Variants in MRPS6 observed in about 807,000 individuals in gnomAD.
MRPS6 encodes mitochondrial ribosomal protein S6.
Under a neutral mutation model 13.1 loss-of-function variants are expected in MRPS6, and 6 were observed. That is an observed-to-expected ratio of 0.46 (90% CI 0.25 to 0.91). The LOEUF (loss-of-function observed/expected upper bound fraction) is 0.91. Ranked by LOEUF, MRPS6 falls within the 40% of genes least tolerant of loss-of-function variation. MRPS6 has a pLI of 0.18. For missense variants in MRPS6, 164 were observed against 155.6 expected (o/e 1.05, Z -0.29); for synonymous variants, 61 against 56.5 (o/e 1.08, Z -0.36).
chr21:34,134,811 G>A lies in MRPS6; in HGVS notation c.186-7597G>A, dbSNP rs576929820. On this transcript the variant is annotated intron_variant, in intron 2 of 2. Transcript: ENST00000399312. ...TTTTTCACTCTCAGTAAAGTATTCCGTAAAATTACATGAGCTATTCAACAC... is the reference window on the plus strand; with the variant it reads ...TTTTTCACTCTCAGTAAAGTATTCCATAAAATTACATGAGCTATTCAACAC... Among the ~76,000 whole-genome samples the A allele has an allele frequency of 3.9e-5, 6 of 152,146 alleles. 1 individual carries two copies. In the South Asian group the frequency reaches 1.0e-3, roughly 26 times the overall value.
At chr21:34,084,405 C>A (rs964765548) in intron 1 of MRPS6, among the ~76,000 whole-genome samples, 2 of 151,902 alleles carry the variant, frequency 1.3e-5, no homozygotes, top group Non-Finnish European at 2.9e-5. Context: ...AGAAAAAAAA[C>A]ACAAAGTTGA....
intron 1 of MRPS6, among the ~76,000 whole-genome samples, chr21:34,076,169 T>G (rs1325416014): frequency 1.3e-5 from 2 of 152,212 alleles, no homozygotes; most frequent in Admixed American, 6.5e-5. Context: ...AACTATAGTT[T>G]TCCAGCCTTT....
chr21:34,104,610 T>A (rs1979396777), intron 1 of MRPS6: 1 of 1,000,106 alleles, frequency 1.0e-6, no homozygotes, highest in Non-Finnish European at 1.2e-6. Flanking sequence ...CCTGAACACT[T>A]TGAGGGAGAG....
intron 1 of MRPS6, among the ~76,000 whole-genome samples, chr21:34,081,964 A>T (rs1042959823): frequency 1.3e-5 from 2 of 151,612 alleles, no homozygotes; most frequent in Non-Finnish European, 2.9e-5. Flanking sequence ...CCCATCTATT[A>T]TTGCCATGAG....
In MRPS6 at chr21:34,099,575, C is replaced by A. The variant is rs1260165864; in HGVS notation, c.46-25766C>A. On this transcript the variant is annotated intron_variant, in intron 1 of 2. Transcript: ENST00000399312. ...CTGGGCAGCCTATCTCTTCCATATC[C>A]AGCGTAAATGAATAGGAGGTGTTTG... The A allele has an allele frequency of 3.0e-6, 3 of 999,796 alleles. No individual in the cohort carries two copies. The African/African-American group carries it at 5.2e-5, about 17-fold the overall frequency. The allele number at this position is 999,796 out of a possible 1,614,324, so 61.9% of individuals were successfully genotyped here.
chr21:34,129,676 T>A (rs767680864), intron 2 of MRPS6, among the ~76,000 whole-genome samples: 3 of 152,194 alleles, frequency 2.0e-5, no homozygotes, highest in Non-Finnish European at 4.4e-5. Context: ...CCATGAGCAC[T>A]GGCACCCTCT....
intron 1 of MRPS6, among the ~76,000 whole-genome samples, chr21:34,119,593 G>A (rs1385172568): frequency 6.6e-6 from 1 of 152,322 alleles, no homozygotes; most frequent in African/African-American, 2.4e-5. Flanking sequence ...CGGGCAGGGT[G>A]TAGGTAGATG....
In MRPS6 at chr21:34,096,060, G is replaced by A; in HGVS notation, c.45+22315G>A. On this transcript the variant is annotated intron_variant, in intron 1 of 2. Coordinates refer to ENST00000399312, the MANE Select transcript of MRPS6 (RefSeq NM_032476.4). This position sits in a 1 kb window ranked among gnomAD's most constrained non-coding sequence, Gnocchi z 5.9. ...CCAAGTCATCGTGCAGAGGGTCCTT[G>A]CAGCCAAAAACATTGCTCATGCCAA... The A allele has an allele frequency of 6.2e-7, 1 of 1,614,100 alleles. No individual in the cohort carries two copies. Among genetic ancestry groups the A allele is most frequent in the South Asian group, 1.1e-5 (1 of 91,080 alleles).
chr21:34,118,159 T>C (rs1979993972), intron 1 of MRPS6, among the ~76,000 whole-genome samples: 1 of 152,184 alleles, frequency 6.6e-6, no homozygotes, highest in Admixed American at 6.5e-5. Context: ...CTACACTTTA[T>C]GTACAGTTAG....
intron 1 of MRPS6, among the ~76,000 whole-genome samples, chr21:34,121,516 G>A (rs1980121204): frequency 6.6e-6 from 1 of 151,062 alleles, no homozygotes. Context: ...TTTTTCAAAT[G>A]AATGTTTTCA....
chr21:34,093,439 A>G (rs1301784090), intron 1 of MRPS6, among the ~76,000 whole-genome samples: 1 of 152,184 alleles, frequency 6.6e-6, no homozygotes, highest in African/African-American at 2.4e-5. Flanking sequence ...TTTGTAGGGC[A>G]GTAGTCTCTA....
At chr21:34,132,826 CTG>C (rs933890818) in intron 2 of MRPS6, among the ~76,000 whole-genome samples, 15 of 152,204 alleles carry the variant, frequency 9.9e-5, no homozygotes, top group African/African-American at 3.6e-4. Flanking sequence ...CCAAAGCTAT[CTG>C]TGGTTTCTTG....
At chr21:34,081,494 A>G (rs371605685) in intron 1 of MRPS6, among the ~76,000 whole-genome samples, 3 of 152,216 alleles carry the variant, frequency 2.0e-5, no homozygotes, top group Non-Finnish European at 4.4e-5. Context: ...GAGTAGAAAA[A>G]CCTTGTAAGA....
chr21:34,101,898 T>A, intron 1 of MRPS6: 1 of 1,000,224 alleles, frequency 1.0e-6, no homozygotes, highest in Non-Finnish European at 1.2e-6. Flanking sequence ...AGTGATCATT[T>A]ATGTGAGCCC....
At chr21:34,124,403 A>T (rs557865039) in intron 1 of MRPS6, 1 of 152,194 alleles carries the variant, frequency 6.6e-6, no homozygotes, top group Admixed American at 6.5e-5. Flanking sequence ...TTGTGTATAC[A>T]TATGCATAGA....
At position 34,142,613 on chromosome 21, in the gene MRPS6, G is replaced by A. The variant is rs374799113; in HGVS notation, c.*13G>A. 1 of 1,587,614 alleles carries A rather than the reference G, an allele frequency of 6.3e-7. No individual in the cohort carries two copies. The highest frequency in any genetic ancestry group is 2.3e-5 in the East Asian group (1 of 44,306). ...GAGGAAGAAGTGAGAAGATTCGCCAGATTTTAGCCTTATATGTAATTCCTT... is the reference window on the plus strand; with the variant it reads ...GAGGAAGAAGTGAGAAGATTCGCCAAATTTTAGCCTTATATGTAATTCCTT... On this transcript the variant is annotated 3_prime_UTR_variant, in exon 3 of 3. Coordinates refer to ENST00000399312, the MANE Select transcript of MRPS6 (RefSeq NM_032476.4).
chr21:34,080,705 C>T (rs951774825), intron 1 of MRPS6, among the ~76,000 whole-genome samples: 9 of 152,182 alleles, frequency 5.9e-5, no homozygotes, highest in Admixed American at 2.6e-4. Context: ...GTTTTACCTC[C>T]TTTGCTAGAT....
chr21:34,141,644 C>G (rs1451935008), intron 2 of MRPS6, among the ~76,000 whole-genome samples: 2 of 152,136 alleles, frequency 1.3e-5, no homozygotes, highest in Non-Finnish European at 2.9e-5. Context: ...GACCTTTAGT[C>G]ACATAATGGT....
intron 1 of MRPS6, chr21:34,095,372 C>T (rs1254705294): frequency 2.5e-6 from 4 of 1,613,948 alleles, no homozygotes; most frequent in Non-Finnish European, 3.4e-6. Context: ...TGTTTGTGAG[C>T]AATATTGGGA....
Sources: allele counts gnomAD v4.1 joint callset (sites outside exome capture counted in the v4.1 genomes callset), GRCh38; gene constraint gnomAD v4.1.1; non-coding constraint Gnocchi (gnomAD v3.1); transcripts MANE v1.5; gene names NCBI Gene and HGNC (gene_info 2026-07-23, HGNC 2026-07-21).